DCLK1: variants seen among roughly 807,000 people sequenced by gnomAD.
DCLK1 encodes serine/threonine-protein kinase DCLK1.
A neutral mutation model predicts 86.2 loss-of-function variants in DCLK1; 16 were observed. That is an observed-to-expected ratio of 0.19 (90% confidence interval 0.13 to 0.28). DCLK1 has a LOEUF of 0.28. Among genes scored for constraint, DCLK1 ranks in the 10% least tolerant of loss-of-function variants. The pLI is 1.00. For missense variants in DCLK1, 590 were observed against 940.2 expected (o/e 0.63, Z 4.87); for synonymous variants, 369 against 370.5 (o/e 1.00, Z 0.05).
At chr13:36,040,314 G>T (rs545897987) in intron 3 of DCLK1, among the ~76,000 whole-genome samples, 1 of 143,740 alleles carries the variant, frequency 7.0e-6, no homozygotes, top group Non-Finnish European at 1.5e-5. Flanking sequence ...TGTTTTTGAT[G>T]ACCTTGACAG....
At position 35,898,743 on chromosome 13, in the gene DCLK1, C is replaced by CT. The variant is rs996672770; in HGVS notation, c.824-27404dup. Among the ~76,000 whole-genome samples, 36 of 149,266 alleles carry CT rather than the reference C, an allele frequency of 2.4e-4. 1 individual carries two copies. In the South Asian group the frequency reaches 3.0e-3, roughly 12 times the overall value. ...TGCTCTTGAACATGGTGGGTTTTTT[C>CT]TTTTTTTTTTCTTTTTGAGACAGGG... On this transcript the variant is annotated intron_variant, in intron 4 of 16. Transcript: ENST00000360631.
At chr13:35,850,843 G>C in intron 6 of DCLK1, 1 of 1,371,514 alleles carries the variant, frequency 7.3e-7, no homozygotes. Flanking sequence ...GCTCTCGTGA[G>C]AGCAGCACTG....
intron 5 of DCLK1, among the ~76,000 whole-genome samples, chr13:35,855,230 C>T (rs1039922256): frequency 6.6e-6 from 1 of 152,196 alleles, no homozygotes; most frequent in African/African-American, 2.4e-5. Flanking sequence ...GAATTCTACC[C>T]AGTTCTCAAG....
At chr13:36,043,707 T>G (rs951387846) in intron 3 of DCLK1, among the ~76,000 whole-genome samples, 1 of 152,156 alleles carries the variant, frequency 6.6e-6, no homozygotes, top group Non-Finnish European at 1.5e-5. Context: ...GCATCAGATT[T>G]TATAATTGCA....
At chr13:35,849,791 C>T (rs1011625642) in intron 6 of DCLK1, 2 of 984,832 alleles carry the variant, frequency 2.0e-6, no homozygotes, top group African/African-American at 3.5e-5. Context: ...TTATACAGCA[C>T]CATTTAAGTG....
chr13:36,032,798 C>T (rs1882337734), intron 3 of DCLK1, among the ~76,000 whole-genome samples: 1 of 152,208 alleles, frequency 6.6e-6, no homozygotes. Context: ...CTGCATTTTG[C>T]TCCTGCTCCA....
chr13:35,778,087 A>G (rs7992754), intron 16 of DCLK1, among the ~76,000 whole-genome samples: 47,314 of 152,096 alleles, frequency 0.31, 9,655 homozygotes, highest in African/African-American at 0.56. Context: ...GTATAATGGA[A>G]GTGATCTGTT....
At chr13:35,846,679 A>G (rs959031333) in intron 6 of DCLK1, 14 of 985,210 alleles carry the variant, frequency 1.4e-5, no homozygotes, top group Non-Finnish European at 1.7e-5. Context: ...TATTTTTCAC[A>G]CTATGCCTCT....
intron 3 of DCLK1, among the ~76,000 whole-genome samples, chr13:35,973,367 AT>A (rs1879163405): frequency 6.6e-6 from 1 of 151,932 alleles, no homozygotes; most frequent in Non-Finnish European, 1.5e-5. Flanking sequence ...GGCCCATCTA[AT>A]TTTCAGGACT....
intron 3 of DCLK1, among the ~76,000 whole-genome samples, chr13:36,060,985 C>T (rs1314833150): frequency 6.6e-6 from 1 of 152,164 alleles, no homozygotes; most frequent in Non-Finnish European, 1.5e-5. Context: ...AAACTGTACA[C>T]AGCCATATGA....
intron 4 of DCLK1, among the ~76,000 whole-genome samples, chr13:35,896,985 C>T (rs1195828364): frequency 6.6e-6 from 1 of 152,030 alleles, no homozygotes. Context: ...GAGCAGGTGC[C>T]CCAGGCTACA....
At chr13:36,004,413 T>C (rs974001105) in intron 3 of DCLK1, among the ~76,000 whole-genome samples, 2 of 151,792 alleles carry the variant, frequency 1.3e-5, no homozygotes, top group African/African-American at 2.4e-5. Flanking sequence ...TGGCACATAG[T>C]GGGGGCTCAA....
intron 8 of DCLK1, among the ~76,000 whole-genome samples, chr13:35,831,132 C>T (rs1267086990): frequency 6.6e-6 from 1 of 152,184 alleles, no homozygotes; most frequent in East Asian, 1.9e-4. Context: ...TGTGGATTTC[C>T]ACTATACAAC....
chr13:36,023,150 G>C (rs551343584), intron 3 of DCLK1, among the ~76,000 whole-genome samples: 1 of 152,210 alleles, frequency 6.6e-6, no homozygotes, highest in Admixed American at 6.5e-5. Flanking sequence ...GATATCTGTA[G>C]GGAGAGATAG....
At chr13:36,129,551 G>A (rs1886296695) in intron 1 of DCLK1, among the ~76,000 whole-genome samples, 1 of 152,190 alleles carries the variant, frequency 6.6e-6, no homozygotes, top group African/African-American at 2.4e-5. Context: ...ATTATTCGTG[G>A]CAACAAAATA....
At chr13:35,868,093 G>C (rs904888606) in intron 5 of DCLK1, among the ~76,000 whole-genome samples, 2 of 141,422 alleles carry the variant, frequency 1.4e-5, no homozygotes, top group Admixed American at 1.5e-4. Context: ...CACCATCTCC[G>C]CTCACTGCAA....
At chr13:35,788,120 A>G (rs2086653183) in intron 16 of DCLK1, 1 of 1,212,132 alleles carries the variant, frequency 8.2e-7, no homozygotes, top group Admixed American at 1.7e-5. Context: ...TAACAAATCA[A>G]AAGCATGTTT....
At chr13:35,985,753 T>G (rs536500103) in intron 3 of DCLK1, among the ~76,000 whole-genome samples, 1 of 152,336 alleles carries the variant, frequency 6.6e-6, no homozygotes, top group Non-Finnish European at 1.5e-5. Flanking sequence ...TTTCCTTTGC[T>G]TTCCAGAATC....
At chr13:35,895,850 AT>A (rs1366779605) in intron 4 of DCLK1, among the ~76,000 whole-genome samples, 1 of 152,134 alleles carries the variant, frequency 6.6e-6, no homozygotes, top group Non-Finnish European at 1.5e-5. Flanking sequence ...AAATGAATAA[AT>A]TTTTAATAGA....
Sources: allele counts gnomAD v4.1 joint callset (sites outside exome capture counted in the v4.1 genomes callset), GRCh38; gene constraint gnomAD v4.1.1; transcripts MANE v1.5; gene names NCBI Gene and HGNC (gene_info 2026-07-23, HGNC 2026-07-21).